Variants in IMPG1 observed in about 807,000 individuals in gnomAD.
IMPG1 encodes interphotoreceptor matrix proteoglycan 1.
Under a neutral mutation model 92.0 loss-of-function variants are expected in IMPG1, and 85 were observed. The ratio of observed to expected loss-of-function variants is 0.92; its 90% CI spans 0.78 to 1.11. The LOEUF is 1.11. IMPG1 is among the 50% of genes least tolerant of loss of function. The pLI is 0.00. For synonymous variants in IMPG1, 367 were observed against 334.1 expected (o/e 1.10, Z -1.08); for missense variants, 1,022 against 956.0 (o/e 1.07, Z -0.91).
At position 76,034,697 on chromosome 6, in the gene IMPG1, T is replaced by C. The variant is rs747284212; in HGVS notation, c.392A>G (p.Gln131Arg). Reference sequence around the variant, plus strand: ...GTCAAAGAGGCAGAAGGTCTCCTGCTGGCAGATGCTGACCCAGTCCTGATA... The same window carrying C: ...GTCAAAGAGGCAGAAGGTCTCCTGCCGGCAGATGCTGACCCAGTCCTGATA... Reference protein sequence around the residue: ...GEYQDWVSICQQETFCLFDIG... With the variant: ...GEYQDWVSICRQETFCLFDIG... Residue 131 changes from glutamine (Q) to arginine (R), a missense_variant, in exon 3 of 17, where the codon CAG (glutamine) becomes CGG (arginine). This residue lies in a region of IMPG1 where 681 missense variants were observed against 583.6 expected (regional missense o/e 1.17). Coordinates refer to ENST00000369950, the MANE Select transcript of IMPG1 (RefSeq NM_001563.4). The C allele has an allele frequency of 6.2e-7, 1 of 1,614,152 alleles. No homozygotes were observed. Among genetic ancestry groups the C allele is most frequent in the South Asian group, 1.1e-5 (1 of 91,082 alleles).
chr6:76,041,125 G>A (rs183879602), intron 2 of IMPG1, among the ~76,000 whole-genome samples: 1 of 152,222 alleles, frequency 6.6e-6, no homozygotes, highest in East Asian at 1.9e-4. Context: ...TTTAATAGTA[G>A]CTACCAAAGA....
intron 7 of IMPG1, among the ~76,000 whole-genome samples, chr6:76,011,897 C>T (rs918697916): frequency 1.8e-4 from 27 of 151,756 alleles, no homozygotes; most frequent in Non-Finnish European, 1.0e-4. Flanking sequence ...CATCCATGTC[C>T]CTACAAAGGA....
At chr6:76,052,393 A>C (rs2127596323) in intron 1 of IMPG1, among the ~76,000 whole-genome samples, 1 of 152,342 alleles carries the variant, frequency 6.6e-6, no homozygotes. Flanking sequence ...TTGCAAGAAA[A>C]GATAGTACAC....
intron 7 of IMPG1, among the ~76,000 whole-genome samples, chr6:76,013,634 G>A (rs958641688): frequency 6.6e-6 from 1 of 151,664 alleles, no homozygotes; most frequent in Admixed American, 6.6e-5. Context: ...ATGCTCCTTG[G>A]CCATGTCCTG....
At chr6:76,059,827 C>T (rs1396102534) in intron 1 of IMPG1, among the ~76,000 whole-genome samples, 1 of 152,166 alleles carries the variant, frequency 6.6e-6, no homozygotes, top group Non-Finnish European at 1.5e-5. Flanking sequence ...AACATAATTA[C>T]TGTCCGCAAA....
chr6:76,050,133 G>A lies in IMPG1; in HGVS notation c.68-8007C>T, dbSNP rs142410267. ...TGAAATACTGGGCTTTTGACTCTTC[G>A]TTTATAGTTTAAAAATTAGGTTTGG... On this transcript the variant is annotated intron_variant, in intron 1 of 16. Transcript: ENST00000369950. Among the ~76,000 whole-genome samples the A allele has an allele frequency of 4.5e-3, 687 of 152,168 alleles. 2 individuals carry two copies. Among genetic ancestry groups the A allele is most frequent in the Admixed American group, 6.8e-3 (104 of 15,274 alleles).
intron 12 of IMPG1, among the ~76,000 whole-genome samples, chr6:76,000,499 T>A (rs532327197): frequency 2.6e-5 from 4 of 152,214 alleles, no homozygotes; most frequent in Non-Finnish European, 5.9e-5. Context: ...AAATCTTTTT[T>A]AAAATGATGT....
At chr6:75,974,367 CTTTCTTTCTT>C (rs1782482272) in intron 12 of IMPG1, among the ~76,000 whole-genome samples, 1 of 92,278 alleles carries the variant, frequency 1.1e-5, no homozygotes, top group African/African-American at 3.7e-5. Flanking sequence ...TTCTTTCTTT[CTTTCTTTCTT>C]TCTTTCTTTC....
chr6:76,042,871 T>A (rs1176425809), intron 1 of IMPG1, among the ~76,000 whole-genome samples: 1 of 152,190 alleles, frequency 6.6e-6, no homozygotes, highest in Admixed American at 6.5e-5. Flanking sequence ...GGACCTCTCA[T>A]AATAACTTAG....
chr6:76,052,844 A>T (rs145983830), intron 1 of IMPG1, among the ~76,000 whole-genome samples: 2 of 152,310 alleles, frequency 1.3e-5, no homozygotes, highest in East Asian at 3.9e-4. Context: ...TGCTGAGGTG[A>T]AGTTGGAGTA....
At chr6:76,025,603 T>C (rs908345871) in intron 4 of IMPG1, among the ~76,000 whole-genome samples, 7 of 152,310 alleles carry the variant, frequency 4.6e-5, no homozygotes, top group South Asian at 4.1e-4. Flanking sequence ...TCAGAGATAA[T>C]TGATGACATG....
chr6:76,007,406 T>C, intron 9 of IMPG1, 74 bp downstream of exon 9: 1 of 1,118,334 alleles, frequency 8.9e-7, no homozygotes, highest in Non-Finnish European at 1.3e-6. Context: ...GTAAAAATTA[T>C]TTGTGCAAAA....
intron 2 of IMPG1, 33 bp downstream of exon 2, chr6:76,041,860 C>A: frequency 7.1e-7 from 1 of 1,409,106 alleles, no homozygotes; most frequent in Non-Finnish European, 1.0e-6. Flanking sequence ...ATGGAAATAA[C>A]ACAAGGCTAA....
At chr6:76,035,043 GT>G (rs1470608697) in intron 2 of IMPG1, among the ~76,000 whole-genome samples, 1 of 151,866 alleles carries the variant, frequency 6.6e-6, no homozygotes, top group Non-Finnish European at 1.5e-5. Context: ...CAAAACTGCA[GT>G]TTAAAATAGA....
In IMPG1 at chr6:76,027,884, T is replaced by C. The variant is rs756807296; in HGVS notation, c.498-2626A>G. Among the ~76,000 whole-genome samples, 6 of 152,360 alleles carry C rather than the reference T, an allele frequency of 3.9e-5. No individual in the cohort carries two copies. The East Asian group carries it at 9.6e-4, about 24-fold the overall frequency. The stretch of plus-strand genomic sequence containing the variant: ...CATAATATCAAGTGCTTTAGACATA[T>C]TTAAAAGGCTTCTCAAAATCAAACT... On this transcript the variant is annotated intron_variant, in intron 4 of 16. Coordinates refer to ENST00000369950, the MANE Select transcript of IMPG1 (RefSeq NM_001563.4).
In IMPG1 at chr6:76,005,471, G is replaced by A; in HGVS notation, c.951C>T (p.Ser317=). The A allele has an allele frequency of 6.2e-7, 1 of 1,613,642 alleles. No individual in the cohort carries two copies. Among genetic ancestry groups the A allele is most frequent in the Non-Finnish European group, 8.5e-7 (1 of 1,179,660 alleles). Residue 317 remains serine (S), a synonymous_variant, in exon 10 of 17, where the codon AGC becomes AGT. Transcript: ENST00000369950. ...CAAAAGACAGGAGGTCACTTGCAGG[G>A]CTTTTTGCTTCTGCACTGTGTCTCT... ...IFKRHSAEAK[S]PASDLLSFDS... is the part of the protein sequence containing the mutation.
At chr6:76,007,631 T>C (rs1783120406) in intron 8 of IMPG1, 131 bp from the exon 9 acceptor site, 6 of 614,414 alleles carry the variant, frequency 9.8e-6, no homozygotes, top group Non-Finnish European at 1.6e-5. Context: ...TTTTGTTTGT[T>C]CAGAGCTTTG....
intron 5 of IMPG1, 126 bp downstream of exon 5, chr6:76,025,068 T>C (rs1371128155): frequency 3.0e-6 from 2 of 669,350 alleles, no homozygotes; most frequent in Non-Finnish European, 5.4e-6. Flanking sequence ...AAGTTAGAAA[T>C]ATAAGCTAGT....
intron 7 of IMPG1, among the ~76,000 whole-genome samples, chr6:76,011,818 G>A (rs959304162): frequency 4.3e-5 from 6 of 140,492 alleles, no homozygotes; most frequent in Admixed American, 8.1e-5. Context: ...TCCCACCTAT[G>A]AGTGAGAATA....
Sources: gnomAD v4.1 joint callset for allele counts (sites outside exome capture counted in the v4.1 genomes callset) on GRCh38, gnomAD v4.1.1 for gene constraint, gnomAD v4.1.1 regional missense constraint, MANE v1.5 for transcripts, NCBI Gene and HGNC (gene_info 2026-07-23, HGNC 2026-07-21) for gene names.